The following PBX1 variants were observed in gnomAD, a reference collection of about 807,000 sequenced individuals.
PBX1 encodes the protein PBX homeobox 1.
PBX1 carries 6 observed loss-of-function variants against 53.4 expected under a neutral mutation model. That is an observed-to-expected ratio of 0.11 (90% CI 0.06 to 0.22). The LOEUF (loss-of-function observed/expected upper bound fraction) is 0.22. Ranked by LOEUF, PBX1 falls within the 10% of genes least tolerant of loss-of-function variation. The pLI, the probability that PBX1 is intolerant of heterozygous loss-of-function variation, is 1.00. For missense variants in PBX1, 251 were observed against 551.4 expected (o/e 0.46, Z 5.46); for synonymous variants, 204 against 212.3 (o/e 0.96, Z 0.34).
chr1:164,590,025 T>C (rs1456413967), intron 2 of PBX1, among the ~76,000 whole-genome samples: 1 of 151,594 alleles, frequency 6.6e-6, no homozygotes, highest in Non-Finnish European at 1.5e-5. Context: ...CTGGGCAACA[T>C]AGTGAGATCC....
At chr1:164,590,534 G>A in intron 2 of PBX1, 3 of 452,626 alleles carry the variant, frequency 6.6e-6, no homozygotes, top group Non-Finnish European at 8.9e-6. Context: ...TAATGAGGAG[G>A]ACAACAGTGT....
In PBX1 at chr1:164,601,031, G is replaced by A. The variant is rs114362132; in HGVS notation, c.265+37720G>A. Reference sequence around the variant, plus strand: ...GCGGGCAGATCACCTGAGGTGTCAGGAGTTTGAGACCAGCCTAACCAGTGT... The same window carrying A: ...GCGGGCAGATCACCTGAGGTGTCAGAAGTTTGAGACCAGCCTAACCAGTGT... On this transcript the variant is annotated intron_variant, in intron 2 of 8. Transcript: ENST00000420696. 1.7e-3 allele frequency among the ~76,000 whole-genome samples: 256 copies of A among 152,080 alleles called. 1 individual carries two copies. The highest frequency in any genetic ancestry group is 2.9e-3 in the Admixed American group (44 of 15,284).
intron 2 of PBX1, among the ~76,000 whole-genome samples, chr1:164,681,152 G>T (rs971004961): frequency 1.3e-5 from 2 of 151,996 alleles, no homozygotes; most frequent in African/African-American, 4.8e-5. Context: ...GGCTGAGGTG[G>T]AAGGATTGCT....
At chr1:164,712,847 G>A (rs1035461588) in intron 2 of PBX1, among the ~76,000 whole-genome samples, 1 of 152,220 alleles carries the variant, frequency 6.6e-6, no homozygotes, top group Admixed American at 6.5e-5. Context: ...GTGCGGTTCT[G>A]AAAGACTGGT....
chr1:164,828,272 G>A (rs963674304), intron 8 of PBX1, among the ~76,000 whole-genome samples: 3 of 142,566 alleles, frequency 2.1e-5, no homozygotes, highest in Non-Finnish European at 3.0e-5. Context: ...TTGTGTATGC[G>A]TGTGTGTGTG....
chr1:164,771,340 T>C (rs1018456829), intron 2 of PBX1: 2 of 152,022 alleles, frequency 1.3e-5, no homozygotes, highest in African/African-American at 4.8e-5. Flanking sequence ...GTAGCCAGAA[T>C]TGAAGTTCCA....
At chr1:164,667,412 ATGTGTG>A (rs59721347) in intron 2 of PBX1, among the ~76,000 whole-genome samples, 4 of 147,406 alleles carry the variant, frequency 2.7e-5, no homozygotes, top group Admixed American at 2.1e-4. Flanking sequence ...TATGTATAAT[ATGTGTG>A]TGTGTGTGTG....
chr1:164,836,518 T>C (rs549451581), intron 8 of PBX1, among the ~76,000 whole-genome samples: 1 of 152,338 alleles, frequency 6.6e-6, no homozygotes, highest in South Asian at 2.1e-4. Context: ...ACATAGATTG[T>C]TTTCAAGCTC....
chr1:164,857,630 C>A (rs1672007537), intron 2 of PBX1, among the ~76,000 whole-genome samples: 1 of 152,160 alleles, frequency 6.6e-6, no homozygotes, highest in African/African-American at 2.4e-5. Context: ...TAGTGGCCTG[C>A]CAAGAGTCAC....
At chr1:164,767,006 G>T (rs1380472680) in intron 2 of PBX1, among the ~76,000 whole-genome samples, 1 of 120,032 alleles carries the variant, frequency 8.3e-6, no homozygotes, top group Non-Finnish European at 1.7e-5. Context: ...GGGATTACAG[G>T]TGTGAGCTTT....
chr1:164,870,363 A>ATTTCTT (rs1339774729), intron 2 of PBX1, among the ~76,000 whole-genome samples: 2 of 55,788 alleles, frequency 3.6e-5, no homozygotes, highest in Non-Finnish European at 7.6e-5. Flanking sequence ...CTTTCTTTCG[A>ATTTCTT]GATGAAGTCT....
chr1:164,859,917 C>T (rs1672059797), intron 2 of PBX1, among the ~76,000 whole-genome samples: 1 of 152,114 alleles, frequency 6.6e-6, no homozygotes, highest in Non-Finnish European at 1.5e-5. Context: ...ATTATGATGT[C>T]CATTAACAAA....
chr1:164,826,306 G>A (rs1188993148), intron 8 of PBX1, among the ~76,000 whole-genome samples: 5 of 152,202 alleles, frequency 3.3e-5, no homozygotes, highest in African/African-American at 1.2e-4. Context: ...TGGGAAGGAA[G>A]AAGTGCTCTC....
chr1:164,814,811 G>A (rs1669801298), intron 6 of PBX1: 1 of 152,618 alleles, frequency 6.6e-6, no homozygotes, highest in Non-Finnish European at 1.5e-5. Flanking sequence ...TCCTGCTAGA[G>A]GCTTCTGTAT....
intron 2 of PBX1, among the ~76,000 whole-genome samples, chr1:164,576,480 C>T (rs994051068): frequency 6.6e-6 from 1 of 152,192 alleles, no homozygotes; most frequent in Non-Finnish European, 1.5e-5. Context: ...CGTGCGGCCC[C>T]CCTCAGACTC....
chr1:164,863,706 G>C (rs748131946), intron 2 of PBX1, among the ~76,000 whole-genome samples: 2 of 152,190 alleles, frequency 1.3e-5, no homozygotes, highest in African/African-American at 4.8e-5. Context: ...TAGGCAGAAG[G>C]CAGAGTAGAT....
chr1:164,846,777 G>T lies in PBX1; in HGVS notation c.*101G>T. The T allele has an allele frequency of 6.3e-7, 1 of 1,594,694 alleles. No individual in the cohort carries two copies. Among genetic ancestry groups the T allele is most frequent in the East Asian group, 2.2e-5 (1 of 44,514 alleles). On this transcript the variant is annotated 3_prime_UTR_variant, in exon 9 of 9. Coordinates refer to ENST00000420696, the MANE Select transcript of PBX1 (RefSeq NM_002585.4). ...CGCTGAAGCGGTCAGACTGGAGGTC[G>T]AAGCAATCAGCAAACACAATAAGAG...
intron 2 of PBX1, among the ~76,000 whole-genome samples, chr1:164,565,461 G>C (rs1173483230): frequency 7.0e-6 from 1 of 142,684 alleles, no homozygotes; most frequent in South Asian, 2.3e-4. Flanking sequence ...ACAAGTCTTG[G>C]ATTAAGAGGG....
chr1:164,609,863 G>A (rs1656792522), intron 2 of PBX1, among the ~76,000 whole-genome samples: 1 of 152,118 alleles, frequency 6.6e-6, no homozygotes, highest in Admixed American at 6.5e-5. Context: ...TAATGTTGGG[G>A]GGGATATGGT....
Sources: allele counts gnomAD v4.1 joint callset (sites outside exome capture counted in the v4.1 genomes callset), GRCh38; gene constraint gnomAD v4.1.1; transcripts MANE v1.5; gene names NCBI Gene and HGNC (gene_info 2026-07-23, HGNC 2026-07-21).